SAFB: variants seen among roughly 807,000 people sequenced by gnomAD.
SAFB encodes scaffold attachment factor B1.
A neutral mutation model predicts 101.6 loss-of-function variants in SAFB; 15 were observed. That is an observed-to-expected ratio of 0.15 (90% confidence interval 0.10 to 0.23). The LOEUF (loss-of-function observed/expected upper bound fraction) is 0.23, where lower values mean the gene tolerates loss of function less well. Among genes scored for constraint, SAFB ranks in the 10% least tolerant of loss-of-function variants. The pLI, the probability that SAFB is intolerant of heterozygous loss-of-function variation, is 1.00. For missense variants in SAFB, 930 were observed against 1,104.1 expected, an observed-to-expected ratio of 0.84 and a Z score of 2.23; for synonymous variants, 449 against 407.5, an observed-to-expected ratio of 1.10 and a Z score of -1.23.
chr19:5,628,392 A>C (rs565052411), intron 2 of SAFB, among the ~76,000 whole-genome samples: 1 of 152,278 alleles, frequency 6.6e-6, no homozygotes, highest in South Asian at 2.1e-4. Context: ...GCATAATGAG[A>C]TAATCTTGGG....
chr19:5,647,666 A>C (rs1485320965), intron 5 of SAFB, among the ~76,000 whole-genome samples: 1 of 152,212 alleles, frequency 6.6e-6, no homozygotes. Flanking sequence ...GTGACTGTTA[A>C]TGTGCCATGC....
intron 2 of SAFB, among the ~76,000 whole-genome samples, chr19:5,632,852 C>CTTGGCCTCCCAAAGAGTTGGGATTAA (rs2053519418): frequency 6.6e-6 from 1 of 152,202 alleles, no homozygotes; most frequent in African/African-American, 2.4e-5. Context: ...ATCCTCCCAC[C>CTTGGCCTCCCAAAGAGTTGGGATTAA]TTGGCCTCCC....
chr19:5,629,872 C>T (rs2053451413), intron 2 of SAFB, among the ~76,000 whole-genome samples: 1 of 152,040 alleles, frequency 6.6e-6, no homozygotes, highest in South Asian at 2.1e-4. Flanking sequence ...CAAAACCCCA[C>T]GTCTACTAAA....
At chr19:5,666,757 T>C (rs1484263691) in intron 17 of SAFB, 3 of 494,154 alleles carry the variant, frequency 6.1e-6, no homozygotes, top group Non-Finnish European at 1.1e-5. Context: ...GCATCATCTT[T>C]AGTGGGTGAC....
intron 4 of SAFB, among the ~76,000 whole-genome samples, chr19:5,643,284 G>A (rs1172864353): frequency 2.0e-5 from 3 of 152,062 alleles, no homozygotes; most frequent in Non-Finnish European, 4.4e-5. Context: ...CTGGTCCTTA[G>A]GTCTTCCGCA....
intron 5 of SAFB, among the ~76,000 whole-genome samples, chr19:5,645,834 G>T (rs1383142781): frequency 2.0e-5 from 3 of 152,080 alleles, no homozygotes; most frequent in Non-Finnish European, 4.4e-5. Flanking sequence ...GGGAAGGTGG[G>T]GTCTCAGGGG....
In SAFB at chr19:5,668,204, C is replaced by T. The variant is rs1159730495; in HGVS notation, c.2667C>T (p.Pro889=). 2.5e-6 allele frequency: 4 copies of T among 1,607,772 alleles called. No individual in the cohort carries two copies. The highest frequency in any genetic ancestry group is 3.4e-6 in the Non-Finnish European group (4 of 1,178,334). Reference sequence around the variant, plus strand: ...CAGGCGGGGCCTCCCGGGGCCACCCCATCCCACACGGTGGCATGCAGGGCG... The same window carrying T: ...CAGGCGGGGCCTCCCGGGGCCACCCTATCCCACACGGTGGCATGCAGGGCG... ...FAPGGASRGH[P]IPHGGMQGGF... is the part of the protein sequence containing the mutation. The change falls in exon 21 of 21, where the codon CCC becomes CCT. Residue 889 remains proline (P), a synonymous_variant. Transcript: ENST00000588852.
intron 2 of SAFB, among the ~76,000 whole-genome samples, chr19:5,638,260 A>C (rs1490973460): frequency 6.6e-6 from 1 of 152,174 alleles, no homozygotes; most frequent in African/African-American, 2.4e-5. Context: ...AGAAGTATGA[A>C]CCTAAGAAGG....
Position 5,656,263 on chromosome 19 carries a change from T to TTTATTTTTTATGTGTTATTA in SAFB, c.1756-967_1756-966insGTGTTATTATTATTTTTTAT, listed in dbSNP as rs1321629535. The stretch of plus-strand genomic sequence containing the variant: ...CTTTTTTCATTTTTTTATTTTATTA[T>TTTATTTTTTATGTGTTATTA]TTATTTTTTATTTGTTATTATTATT... On this transcript the variant is annotated intron_variant, in intron 13 of 20. Transcript: ENST00000588852. Among the ~76,000 whole-genome samples the TTTATTTTTTATGTGTTATTA allele has an allele frequency of 2.0e-5, 3 of 152,086 alleles. No individual in the cohort carries two copies. The East Asian group carries it at 5.8e-4, about 29-fold the overall frequency.
At position 5,667,331 on chromosome 19, in the gene SAFB, A is replaced by T. The variant is rs537179714; in HGVS notation, c.2454-16A>T. 9 of 1,473,532 alleles carry T rather than the reference A, an allele frequency of 6.1e-6. No homozygotes were observed. In the East Asian group the frequency reaches 2.0e-4, roughly 33 times the overall value. 91.3% of individuals were successfully genotyped at this position (1,473,532 alleles called of 1,614,324 possible). A position where few individuals can be genotyped will look rare whatever the true frequency, so the allele number is the denominator to read the frequency against. On this transcript the variant is annotated splice_polypyrimidine_tract_variant and intron_variant, in intron 18 of 20. Transcript: ENST00000588852. The surrounding 1 kb of genome is among the most constrained non-coding windows in gnomAD (Gnocchi z 4.0). ...GAGATGGGGGCAATCCAAATCAGAG[A>T]TGTCTCTCTTTCAAGGGGCAGACGT...
At chr19:5,623,508 C>T (rs2053243905) in intron 1 of SAFB, 114 bp downstream of exon 1, 2 of 846,410 alleles carry the variant, frequency 2.4e-6, no homozygotes, top group Non-Finnish European at 3.5e-6. Context: ...CCTCGCCGGA[C>T]CTGGCGCTCT....
chr19:5,661,247 C>T (rs911309893), intron 14 of SAFB, among the ~76,000 whole-genome samples: 1 of 152,070 alleles, frequency 6.6e-6, no homozygotes, highest in African/African-American at 2.4e-5. Context: ...CTGGCTGTTT[C>T]CTGAAATCAC....
chr19:5,647,871 A>G, intron 5 of SAFB, 145 bp from the exon 6 acceptor site: 1 of 743,096 alleles, frequency 1.3e-6, no homozygotes, highest in East Asian at 2.7e-5. Flanking sequence ...CCATTCCTAG[A>G]ACAAGCAGGT....
chr19:5,644,528 G>A lies in SAFB; in HGVS notation c.547-809G>A, dbSNP rs79509755. On this transcript the variant is annotated intron_variant, in intron 4 of 20. Transcript: ENST00000588852. ...ATGACCACTGCATGGCAGGAAGAAAGGAGTAGTGGAGAGTGGTTTTCAGTG... is the reference window on the plus strand; with the variant it reads ...ATGACCACTGCATGGCAGGAAGAAAAGAGTAGTGGAGAGTGGTTTTCAGTG... Among the ~76,000 whole-genome samples the A allele has an allele frequency of 7.7e-4, 118 of 152,338 alleles. No homozygotes were observed. The East Asian group carries it at 0.022, about 28-fold the overall frequency.
chr19:5,624,453 G>A (rs1338635517), intron 1 of SAFB, among the ~76,000 whole-genome samples: 2 of 152,006 alleles, frequency 1.3e-5, no homozygotes, highest in African/African-American at 4.8e-5. Context: ...CCTAGGAAAA[G>A]CAGAGAGGCA....
At chr19:5,635,844 G>C (rs1045700262) in intron 2 of SAFB, among the ~76,000 whole-genome samples, 1 of 152,052 alleles carries the variant, frequency 6.6e-6, no homozygotes, top group Non-Finnish European at 1.5e-5. Flanking sequence ...AAGGATTCAA[G>C]GGGCACATTG....
intron 15 of SAFB, 113 bp from the exon 16 acceptor site, chr19:5,663,907 ACT>A (rs2054271078): frequency 3.4e-6 from 4 of 1,161,840 alleles, no homozygotes; most frequent in Non-Finnish European, 4.9e-6. Flanking sequence ...AGGAGAGAAC[ACT>A]CTTGGTGAAA....
At position 5,645,391 on chromosome 19, in the gene SAFB, A is replaced by G. The variant is rs200372829; in HGVS notation, c.601A>G (p.Ile201Val). Residue 201 changes from isoleucine to valine, a missense_variant, in exon 5 of 21, where the codon ATA becomes GTA. Ile to Val is a conservative substitution (Grantham distance 29, BLOSUM62 3). Transcript: ENST00000588852. ...AGATACTTCATCATCTGACTTCACT[A>G]TATTACAGGTAAACTGTTGTATGTC... ...NLDTSSSDFT[I>V]LQEIEEPSLE... The G allele has an allele frequency of 7.4e-6, 10 of 1,355,204 alleles. No individual in the cohort carries two copies. The East Asian group carries it at 9.2e-5, about 12-fold the overall frequency. The allele number at this position is 1,355,204 out of a possible 1,614,324, so 83.9% of individuals were successfully genotyped here.
intron 1 of SAFB, among the ~76,000 whole-genome samples, chr19:5,624,579 C>T (rs376410564): frequency 6.6e-6 from 1 of 152,174 alleles, no homozygotes; most frequent in African/African-American, 2.4e-5. Flanking sequence ...GCCGCCCACC[C>T]CCCAGCCCCT....
Sources: allele counts gnomAD v4.1 joint callset (sites outside exome capture counted in the v4.1 genomes callset), GRCh38; gene constraint gnomAD v4.1.1; non-coding constraint Gnocchi (gnomAD v3.1); transcripts MANE v1.5; gene names NCBI Gene and HGNC (gene_info 2026-07-23, HGNC 2026-07-21).